Variants in GRHL2 observed in about 807,000 individuals in gnomAD.
GRHL2 encodes grainyhead-like protein 2 homolog.
Under a neutral mutation model 83.8 loss-of-function variants are expected in GRHL2, and 21 were observed. The ratio of observed to expected loss-of-function variants is 0.25; its 90% confidence interval spans 0.18 to 0.36. The LOEUF is 0.36. Ranked by LOEUF, GRHL2 falls within the 10% of genes least tolerant of loss-of-function variation. The pLI is 1.00. For missense variants in GRHL2, 623 were observed against 781.8 expected (o/e 0.80, Z 2.42); for synonymous variants, 280 against 278.9 (o/e 1.00, Z -0.04).
intron 13 of GRHL2, among the ~76,000 whole-genome samples, chr8:101,647,406 C>T (rs75279991): frequency 0.38 from 57,042 of 151,326 alleles, 12,134 homozygotes; most frequent in African/African-American, 0.58. Context: ...CTGGAAATTC[C>T]TTTTTTTTTC....
chr8:101,607,950 A>T (rs1221949204), intron 8 of GRHL2, among the ~76,000 whole-genome samples: 2 of 152,230 alleles, frequency 1.3e-5, no homozygotes, highest in Non-Finnish European at 2.9e-5. Context: ...AATGTGAAGT[A>T]TCCATGGTTT....
At chr8:101,662,497 C>T (rs1357765686) in intron 14 of GRHL2, among the ~76,000 whole-genome samples, 2 of 152,222 alleles carry the variant, frequency 1.3e-5, no homozygotes, top group Non-Finnish European at 2.9e-5. Flanking sequence ...TCCTCCAGCT[C>T]TGCTCTAGAC....
chr8:101,663,414 C>G (rs1423384571), intron 14 of GRHL2, among the ~76,000 whole-genome samples: 1 of 151,930 alleles, frequency 6.6e-6, no homozygotes, highest in Non-Finnish European at 1.5e-5. Context: ...GAGTTCGAGA[C>G]CAGCCTGGCC....
Position 101,560,412 on chromosome 8 carries a change from T to C in GRHL2, c.678+1600T>C, listed in dbSNP as rs566922684. On this transcript the variant is annotated intron_variant, in intron 4 of 15. Transcript: ENST00000646743. The stretch of plus-strand genomic sequence containing the variant: ...TATACCACTATAGCTAGTCACTAGT[T>C]GATGGACATTTGGTTGCTTCCAGCT... 5.3e-5 allele frequency among the ~76,000 whole-genome samples: 8 copies of C among 152,350 alleles called. No individual in the cohort carries two copies. In the South Asian group the frequency reaches 1.7e-3, roughly 32 times the overall value.
chr8:101,652,356 GTGGTGTGTGTGTGTC>G (rs1813651277), intron 14 of GRHL2, among the ~76,000 whole-genome samples: 1 of 82,980 alleles, frequency 1.2e-5, no homozygotes, highest in African/African-American at 7.0e-5. Context: ...TGTGGTGTGT[GTGGTGTGTGTGTGTC>G]TGATGTGTGT....
chr8:101,565,423 A>G (rs1286369828), intron 4 of GRHL2, among the ~76,000 whole-genome samples: 1 of 152,224 alleles, frequency 6.6e-6, no homozygotes, highest in Non-Finnish European at 1.5e-5. Context: ...AGCAACATCA[A>G]GATCTCAGTG....
intron 4 of GRHL2, among the ~76,000 whole-genome samples, chr8:101,567,589 A>G (rs1811742299): frequency 1.3e-5 from 2 of 152,242 alleles, no homozygotes; most frequent in South Asian, 4.1e-4. Context: ...CTTAATGAAA[A>G]GTAATATCTA....
At chr8:101,579,472 C>T (rs1025936549) in intron 7 of GRHL2, among the ~76,000 whole-genome samples, 1 of 152,178 alleles carries the variant, frequency 6.6e-6, no homozygotes, top group Non-Finnish European at 1.5e-5. Context: ...CATGCTTTAT[C>T]TCTGAGATTT....
chr8:101,592,100 C>CTTTTTTTTTTTTTTTTTTTTTTT (rs11382067), intron 7 of GRHL2, among the ~76,000 whole-genome samples: 6 of 90,312 alleles, frequency 6.6e-5, no homozygotes, highest in African/African-American at 1.4e-4. Context: ...TCTTTCTTTT[C>CTTTTTTTTTTTTTTTTTTTTTTT]TTTTTTTTTT....
chr8:101,604,904 C>T (rs1181069592), intron 8 of GRHL2, among the ~76,000 whole-genome samples: 1 of 152,172 alleles, frequency 6.6e-6, no homozygotes. Flanking sequence ...TTGCTGCATT[C>T]TAGCCCAGTG....
intron 1 of GRHL2, among the ~76,000 whole-genome samples, chr8:101,503,926 T>C (rs1211735480): frequency 6.6e-6 from 1 of 152,228 alleles, no homozygotes; most frequent in Non-Finnish European, 1.5e-5. Context: ...TGTTAGTGTT[T>C]CTCTGTGTTT....
intron 7 of GRHL2, among the ~76,000 whole-genome samples, chr8:101,593,252 AT>A (rs1393837394): frequency 6.6e-6 from 1 of 152,058 alleles, no homozygotes; most frequent in Non-Finnish European, 1.5e-5. Context: ...GGTTGGCATA[AT>A]TTTTTTAAAC....
At chr8:101,623,145 G>T (rs1429005575) in intron 9 of GRHL2, among the ~76,000 whole-genome samples, 1 of 152,214 alleles carries the variant, frequency 6.6e-6, no homozygotes, top group Admixed American at 6.5e-5. Flanking sequence ...GAAAGAAAAC[G>T]CATTAACAAG....
intron 8 of GRHL2, among the ~76,000 whole-genome samples, chr8:101,613,382 C>G (rs1812790807): frequency 6.6e-6 from 1 of 150,840 alleles, no homozygotes; most frequent in Admixed American, 6.6e-5. Context: ...TTTATGAAAT[C>G]TAGGCATTTC....
chr8:101,527,071 C>T (rs1261573134), intron 1 of GRHL2, among the ~76,000 whole-genome samples: 1 of 152,142 alleles, frequency 6.6e-6, no homozygotes, highest in Non-Finnish European at 1.5e-5. Context: ...ACCATTACTA[C>T]AAATGTCAAC....
intron 7 of GRHL2, among the ~76,000 whole-genome samples, chr8:101,588,845 C>T (rs527995811): frequency 6.6e-6 from 1 of 152,312 alleles, no homozygotes; most frequent in Admixed American, 6.5e-5. Context: ...ATAGAACAGA[C>T]ATTCTTGAGT....
Position 101,666,612 on chromosome 8 carries a change from A to T in GRHL2, c.1787A>T (p.Asn596Ile), listed in dbSNP as rs776986245. ...AGCATCTTGGTGAACATGGATGACA[A>T]CATCATCGAGCACTACTCGAACGAG... ...KKGILVNMDD[N>I]IIEHYSNEDT... The change falls in exon 16 of 16, where the codon AAC (asparagine) becomes ATC (isoleucine). Residue 596 changes from asparagine to isoleucine, a missense_variant. Physicochemically the swap from Asn to Ile is moderately radical, Grantham distance 149. Transcript: ENST00000646743. 1 of 1,611,416 alleles carries T rather than the reference A, an allele frequency of 6.2e-7. No individual in the cohort carries two copies. Among genetic ancestry groups the T allele is most frequent in the East Asian group, 2.2e-5 (1 of 44,860 alleles).
At chr8:101,624,738 A>G (rs1207387070) in intron 9 of GRHL2, among the ~76,000 whole-genome samples, 1 of 152,292 alleles carries the variant, frequency 6.6e-6, no homozygotes, top group Non-Finnish European at 1.5e-5. Context: ...AGAAGTTTCC[A>G]TGACAGTTTC....
intron 12 of GRHL2, among the ~76,000 whole-genome samples, chr8:101,641,498 C>T (rs1363168860): frequency 1.4e-4 from 21 of 152,180 alleles, no homozygotes; most frequent in Admixed American, 1.4e-3. Flanking sequence ...GGAAGGTAGG[C>T]TGCAACATTG....
Sources: gnomAD v4.1 joint callset for allele counts (sites outside exome capture counted in the v4.1 genomes callset) on GRCh38, gnomAD v4.1.1 for gene constraint, MANE v1.5 for transcripts, NCBI Gene and HGNC (gene_info 2026-07-23, HGNC 2026-07-21) for gene names.